SORBS2: variants seen among roughly 807,000 people sequenced by gnomAD.
SORBS2 encodes sorbin and SH3 domain containing 2, also known as sorbin and SH3 domain-containing protein 2.
Under a neutral mutation model 97.7 loss-of-function variants are expected in SORBS2, and 46 were observed. The observed-to-expected ratio is 0.47, with a 90% CI of 0.37 to 0.60. SORBS2 has a LOEUF of 0.60. SORBS2 is among the 20% of genes least tolerant of loss of function. The probability of loss-of-function intolerance (pLI) is 0.00; values close to 1 mark genes in which losing one functional copy is unlikely to be tolerated. For missense variants in SORBS2, 1,316 were observed against 1,282.3 expected, an observed-to-expected ratio of 1.03 and a Z score of -0.40; for synonymous variants, 476 against 473.4, an observed-to-expected ratio of 1.01 and a Z score of -0.07.
chr4:185,857,955 G>T (rs373559147), intron 1 of SORBS2, among the ~76,000 whole-genome samples: 7 of 152,124 alleles, frequency 4.6e-5, no homozygotes, highest in African/African-American at 1.7e-4. Context: ...TTGTGATCTT[G>T]CTCTGCCTTT....
At chr4:185,792,180 A>C (rs1242216605) in intron 1 of SORBS2, among the ~76,000 whole-genome samples, 1 of 152,176 alleles carries the variant, frequency 6.6e-6, no homozygotes, top group Non-Finnish European at 1.5e-5. Flanking sequence ...TTATTTTGAA[A>C]TTTTCATAAC....
At position 185,751,249 on chromosome 4, in the gene SORBS2, C is replaced by T. The variant is rs10006559; in HGVS notation, c.-198+23978G>A. Among the ~76,000 whole-genome samples the T allele has an allele frequency of 2.5e-3, 356 of 139,630 alleles. 3 individuals carry two copies. The highest frequency in any genetic ancestry group is 8.8e-3 in the African/African-American group (331 of 37,428). The allele number at this position is 139,630 out of a possible 152,430, so 91.6% of individuals were successfully genotyped here. A position where few individuals can be genotyped will look rare whatever the true frequency, so the allele number is the denominator to read the frequency against. ...GTAGGATTGAGGTAAAGGACAGGGA[C>T]GAAATGAACTTTTTGAGAAGCATGT... On this transcript the variant is annotated intron_variant, in intron 2 of 20. Coordinates refer to the SORBS2 transcript ENST00000284776.
chr4:185,912,307 G>A (rs930859982), intron 1 of SORBS2, among the ~76,000 whole-genome samples: 1 of 151,994 alleles, frequency 6.6e-6, no homozygotes, highest in Non-Finnish European at 1.5e-5. Context: ...ATGCTAGGCC[G>A]GGCATGGTGG....
chr4:185,925,942 T>A (rs1006364453), intron 1 of SORBS2, among the ~76,000 whole-genome samples: 2 of 152,168 alleles, frequency 1.3e-5, no homozygotes, highest in Non-Finnish European at 2.9e-5. Flanking sequence ...AGGTCAAAGA[T>A]AAGAAGGCAA....
chr4:185,817,583 C>A (rs1487568041), intron 1 of SORBS2, among the ~76,000 whole-genome samples: 18 of 152,202 alleles, frequency 1.2e-4, no homozygotes, highest in African/African-American at 4.3e-4. Flanking sequence ...CCAGGTACTT[C>A]CGGGCAACGT....
intron 2 of SORBS2, among the ~76,000 whole-genome samples, chr4:185,693,706 C>T (rs1582884939): frequency 1.3e-5 from 2 of 152,266 alleles, no homozygotes; most frequent in East Asian, 3.9e-4. Flanking sequence ...ACAAAGAAAA[C>T]ATCAAATACA....
intron 2 of SORBS2, among the ~76,000 whole-genome samples, chr4:185,698,821 AG>A (rs2098216907): frequency 6.6e-6 from 1 of 152,184 alleles, no homozygotes; most frequent in Admixed American, 6.5e-5. Flanking sequence ...CTAAACCCAA[AG>A]CATATTAGAC....
At chr4:185,903,844 CA>C (rs775928167) in intron 1 of SORBS2, among the ~76,000 whole-genome samples, 26 of 152,092 alleles carry the variant, frequency 1.7e-4, no homozygotes, top group Non-Finnish European at 2.9e-4. Flanking sequence ...TGGAAGTTAT[CA>C]AAAGTATTAA....
At position 185,623,210 on chromosome 4, in the gene SORBS2, T is replaced by C. The variant is rs774164981; in HGVS notation, c.1919A>G (p.Lys640Arg). ...AGCTTTAATTTGGTCACAGATGTCTTTAAGGGCAGAGTCCAGAGCCTCAAA... is the reference window on the plus strand; with the variant it reads ...AGCTTTAATTTGGTCACAGATGTCTCTAAGGGCAGAGTCCAGAGCCTCAAA... Residue 640 changes from lysine (K) to arginine (R), a missense_variant, in exon 7 of 15, where the codon AAA becomes AGA. Transcript: ENST00000418609. This position sits in a 1 kb window ranked among gnomAD's most constrained non-coding sequence, Gnocchi z 6.4. The C allele has an allele frequency of 3.7e-6, 6 of 1,613,986 alleles. No individual in the cohort carries two copies. In the East Asian group the frequency reaches 8.9e-5, roughly 24 times the overall value.
At chr4:185,659,621 C>T (rs1042824580), upstream of SORBS2, among the ~76,000 whole-genome samples, 1 of 151,926 alleles carries the variant, frequency 6.6e-6, no homozygotes, top group African/African-American at 2.4e-5. Context: ...CGGGGTTTCA[C>T]CATGTTGGCC....
intron 2 of SORBS2, among the ~76,000 whole-genome samples, chr4:185,757,646 C>T (rs1183195103): frequency 2.4e-5 from 3 of 123,130 alleles, no homozygotes; most frequent in African/African-American, 8.9e-5. Flanking sequence ...TGTCTCAACT[C>T]CTTCCAGGTG....
chr4:185,741,404 G>GTTTTTTTTTTTTTTTT (rs58376567), intron 2 of SORBS2, among the ~76,000 whole-genome samples: 3 of 111,666 alleles, frequency 2.7e-5, no homozygotes, highest in Non-Finnish European at 5.1e-5. Flanking sequence ...TTTTTTTTTT[G>GTTTTTTTTTTTTTTTT]TTTTTTTTTT....
upstream of SORBS2, chr4:185,657,497 G>A: frequency 1.3e-6 from 2 of 1,569,438 alleles, no homozygotes; most frequent in Non-Finnish European, 1.7e-6. Context: ...TTTGATGACT[G>A]TCACTCTCTT....
At chr4:185,611,378 ATTATAT>A (rs1347094612) in intron 12 of SORBS2, among the ~76,000 whole-genome samples, 1 of 151,462 alleles carries the variant, frequency 6.6e-6, no homozygotes, top group Non-Finnish European at 1.5e-5. Context: ...TGAATATATG[ATTATAT>A]TTATTTATAT....
chr4:185,659,867 A>C (rs899455101), upstream of SORBS2, among the ~76,000 whole-genome samples: 5 of 152,156 alleles, frequency 3.3e-5, no homozygotes, highest in African/African-American at 1.2e-4. Context: ...GCAAAGTCCT[A>C]CTCTAAGCAA....
exon 1 of SORBS2, chr4:185,656,700 C>T: frequency 6.5e-7 from 1 of 1,548,610 alleles, no homozygotes; most frequent in Non-Finnish European, 8.7e-7. Context: ...ACTTGGTCAG[C>T]CAGCTGCTGC....
At chr4:185,626,746 C>T in intron 6 of SORBS2, 86 bp downstream of exon 18, 1 of 1,241,440 alleles carries the variant, frequency 8.1e-7, no homozygotes. Context: ...CTGGCACATG[C>T]CACTATCACT....
intron 1 of SORBS2, among the ~76,000 whole-genome samples, chr4:185,807,656 G>C (rs1453409559): frequency 6.6e-6 from 1 of 152,162 alleles, no homozygotes; most frequent in Non-Finnish European, 1.5e-5. Flanking sequence ...CCAATACTCA[G>C]AACTCAACAG....
rs570366744 is a variant in SORBS2, at chr4:185,791,431, G to T, written c.-337-16065C>A. Reference sequence around the variant, plus strand: ...ACTTCTGTTTTATTCATATAGCACAGTGCCTGCCCCATAGAAAAAACCTAG... The same window carrying T: ...ACTTCTGTTTTATTCATATAGCACATTGCCTGCCCCATAGAAAAAACCTAG... On this transcript the variant is annotated intron_variant, in intron 1 of 20. Transcript: ENST00000284776. 1.1e-4 allele frequency among the ~76,000 whole-genome samples: 16 copies of T among 152,238 alleles called. No homozygotes were observed. In the East Asian group the frequency reaches 2.7e-3, roughly 26 times the overall value.
Sources: gnomAD v4.1 joint callset for allele counts (sites outside exome capture counted in the v4.1 genomes callset) on GRCh38, gnomAD v4.1.1 for gene constraint, Gnocchi (gnomAD v3.1) non-coding constraint, MANE v1.5 for transcripts, NCBI Gene and HGNC (gene_info 2026-07-23, HGNC 2026-07-21) for gene names.